Variants in OVCH1 observed in about 807,000 individuals in gnomAD.
OVCH1 encodes the protein ovochymase-1.
Under a neutral mutation model 138.4 loss-of-function variants are expected in OVCH1, and 139 were observed. The ratio of observed to expected loss-of-function variants is 1.00; its 90% CI spans 0.87 to 1.16. The LOEUF (loss-of-function observed/expected upper bound fraction) is 1.16, where lower values mean the gene tolerates loss of function less well. OVCH1 is among the 50% of genes most tolerant of loss of function. The probability of loss-of-function intolerance (pLI) is 0.00; values close to 1 mark genes in which losing one functional copy is unlikely to be tolerated. For synonymous variants in OVCH1, 453 were observed against 467.8 expected (o/e 0.97, Z 0.41); for missense variants, 1,367 against 1,357.9 (o/e 1.01, Z -0.11).
At position 29,452,142 on chromosome 12, in the gene OVCH1, C is replaced by T. The variant is rs542136920; in HGVS notation, c.2531-573G>A. Among the ~76,000 whole-genome samples, 127 of 152,254 alleles carry T rather than the reference C, an allele frequency of 8.3e-4. No individual in the cohort carries two copies. In the Middle Eastern group the frequency reaches 0.014, roughly 16 times the overall value. On this transcript the variant is annotated intron_variant, in intron 21 of 27. Coordinates refer to ENST00000318184, the Ensembl canonical transcript of OVCH1. ...TTCTCTTATGTCCTCATCAGGGCTT[C>T]GTCCTTAACTCTCTCTTCTTCCTTT...
Position 29,478,974 on chromosome 12 carries a change from G to A in OVCH1, c.996-66C>T, listed in dbSNP as rs574523780. Reference sequence around the variant, plus strand: ...TTATTTTCCAAACATATAAGCTGGGGTAGGGGAAGGTGAAGAAAATGTAAT... The same window carrying A: ...TTATTTTCCAAACATATAAGCTGGGATAGGGGAAGGTGAAGAAAATGTAAT... On this transcript the variant is annotated intron_variant, in intron 8 of 27. Transcript: ENST00000318184. 78 of 1,127,786 alleles carry A rather than the reference G, an allele frequency of 6.9e-5. No homozygotes were observed. The African/African-American group carries it at 1.1e-3, about 16-fold the overall frequency. 69.9% of individuals were successfully genotyped at this position (1,127,786 alleles called of 1,614,324 possible).
chr12:29,475,646 A>T (rs1000988189), intron 13 of OVCH1, among the ~76,000 whole-genome samples: 4 of 152,180 alleles, frequency 2.6e-5, no homozygotes, highest in Admixed American at 2.6e-4. Context: ...TGTCTAAATA[A>T]ATATTCCAAA....
rs114215346 is a variant in OVCH1 at position 29,493,189 on chromosome 12, A to G, written c.455-1997T>C. On this transcript the variant is annotated intron_variant, in intron 4 of 27. Coordinates refer to ENST00000318184, the Ensembl canonical transcript of OVCH1. Reference sequence around the variant, plus strand: ...TGTAAAGGAAAGAAAAAATGGGGCAATAGTTTCCTCTTATATACACTTCGA... The same window carrying G: ...TGTAAAGGAAAGAAAAAATGGGGCAGTAGTTTCCTCTTATATACACTTCGA... Among the ~76,000 whole-genome samples, 450 of 152,220 alleles carry G rather than the reference A, an allele frequency of 3.0e-3. 1 individual carries two copies. Among genetic ancestry groups the G allele is most frequent in the African/African-American group, 0.01 (430 of 41,568 alleles).
chr12:29,453,989 A>G (rs1179547180), intron 21 of OVCH1, among the ~76,000 whole-genome samples: 1 of 152,158 alleles, frequency 6.6e-6, no homozygotes, highest in Non-Finnish European at 1.5e-5. Flanking sequence ...ACTTTCTTGA[A>G]CAACCGCTTC....
intron 19 of OVCH1, among the ~76,000 whole-genome samples, chr12:29,460,643 G>A (rs922747435): frequency 6.6e-6 from 1 of 151,972 alleles, no homozygotes; most frequent in African/African-American, 2.4e-5. Context: ...CTCCTCAGAT[G>A]GATAAATTCA....
At chr12:29,482,955 C>G (rs1240692626) in intron 8 of OVCH1, among the ~76,000 whole-genome samples, 1 of 152,194 alleles carries the variant, frequency 6.6e-6, no homozygotes. Flanking sequence ...ATCATTCAAA[C>G]AAGAAATGAC....
chr12:29,477,844 C>T (rs1942795081), intron 9 of OVCH1, among the ~76,000 whole-genome samples: 1 of 152,226 alleles, frequency 6.6e-6, no homozygotes, highest in South Asian at 2.1e-4. Flanking sequence ...TTACCTCAAA[C>T]TACAAATTTA....
the OVCH1 span, among the ~76,000 whole-genome samples, chr12:29,405,741 A>G: frequency 6.6e-6 from 1 of 152,236 alleles, no homozygotes; most frequent in Non-Finnish European, 1.5e-5. Context: ...TTAGAACCAA[A>G]TCAGTTTTTG....
At chr12:29,427,444 A>T (rs554374125), downstream of OVCH1, 10 of 1,309,832 alleles carry the variant, frequency 7.6e-6, no homozygotes, top group South Asian at 1.4e-4. Context: ...GGCTATTTAG[A>T]TTGTATGATA....
chr12:29,497,535 A>G (rs2136105987), intron 1 of OVCH1, 88 bp downstream of exon 1: 1 of 1,501,800 alleles, frequency 6.7e-7, no homozygotes, highest in Non-Finnish European at 9.1e-7. Flanking sequence ...TACCACCCCG[A>G]CTTCCTGAGG....
downstream of OVCH1, among the ~76,000 whole-genome samples, chr12:29,425,127 C>T (rs1248411459): frequency 2.0e-5 from 3 of 152,012 alleles, no homozygotes. Flanking sequence ...GCAAATGGTA[C>T]GTAGATAATT....
Position 29,457,294 on chromosome 12 carries a change from A to G in OVCH1, c.2281-1889T>C, listed in dbSNP as rs80266052. Among the ~76,000 whole-genome samples, 513 of 151,962 alleles carry G rather than the reference A, an allele frequency of 3.4e-3. 17 individuals carry two copies. In the East Asian group the frequency reaches 0.069, roughly 21 times the overall value. Reference sequence around the variant, plus strand: ...CATCATTTTTCAGGCAATTACAAACATTCCATGATACAGGGAACCTGTTCA... The same window carrying G: ...CATCATTTTTCAGGCAATTACAAACGTTCCATGATACAGGGAACCTGTTCA... On this transcript the variant is annotated intron_variant, in intron 19 of 27. Transcript: ENST00000318184.
chr12:29,457,736 A>G (rs570312140), intron 19 of OVCH1, among the ~76,000 whole-genome samples: 2 of 152,256 alleles, frequency 1.3e-5, no homozygotes, highest in East Asian at 1.9e-4. Flanking sequence ...AAATTATTCA[A>G]TGCCTACTGT....
chr12:29,495,923 T>TAC (rs1943403110), intron 3 of OVCH1, among the ~76,000 whole-genome samples: 5 of 152,212 alleles, frequency 3.3e-5, no homozygotes, highest in Admixed American at 3.3e-4. Context: ...TTACAGTAAG[T>TAC]AACCACCACC....
intron 8 of OVCH1, among the ~76,000 whole-genome samples, chr12:29,482,970 TATTGA>T (rs1942981452): frequency 6.6e-6 from 1 of 152,222 alleles, no homozygotes; most frequent in African/African-American, 2.4e-5. Flanking sequence ...AATGACTTAA[TATTGA>T]ATTGAACTCT....
intron 26 of OVCH1, among the ~76,000 whole-genome samples, chr12:29,439,171 C>CA (rs34977122): frequency 0.1 from 15,643 of 152,172 alleles, 922 homozygotes; most frequent in Middle Eastern, 0.21. Flanking sequence ...CCAATATATT[C>CA]ACCTTCCTAC....
chr12:29,486,159 C>T, intron 8 of OVCH1, 91 bp downstream of exon 8: 1 of 1,228,504 alleles, frequency 8.1e-7, no homozygotes, highest in Non-Finnish European at 1.2e-6. Context: ...AAATAAAACT[C>T]AGATTGTGAA....
intron 19 of OVCH1, 174 bp downstream of exon 19, chr12:29,461,680 C>G: frequency 1.2e-6 from 1 of 854,348 alleles, no homozygotes; most frequent in South Asian, 1.5e-5. Context: ...GACATCTCAG[C>G]AAATTCGGAT....
chr12:29,494,541 T>C (rs896656055), intron 4 of OVCH1, among the ~76,000 whole-genome samples: 1 of 152,150 alleles, frequency 6.6e-6, no homozygotes, highest in African/African-American at 2.4e-5. Flanking sequence ...CAGGAGTCCT[T>C]AAAATACCAG....
Sources: gnomAD v4.1 joint callset for allele counts (sites outside exome capture counted in the v4.1 genomes callset) on GRCh38, gnomAD v4.1.1 for gene constraint, MANE v1.5 for transcripts, NCBI Gene and HGNC (gene_info 2026-07-23, HGNC 2026-07-21) for gene names.